CHLSN: variants seen among roughly 807,000 people sequenced by gnomAD.
CHLSN encodes protein cholesin.
the CHLSN span, among the ~76,000 whole-genome samples, chr7:1,065,462 G>A: frequency 2.6e-5 from 4 of 152,378 alleles, no homozygotes; most frequent in African/African-American, 4.8e-5. Flanking sequence ...CCTGCGCATC[G>A]AAGGAATGCT....
At chr7:1,045,278 ATC>A in the CHLSN span, 1 of 152,264 alleles carries the variant, frequency 6.6e-6, no homozygotes, top group Non-Finnish European at 1.5e-5. Context: ...ACAGTGGCTT[ATC>A]TCTGCATGCA....
the CHLSN span, chr7:984,615 G>A: frequency 2.0e-6 from 3 of 1,535,862 alleles, no homozygotes; most frequent in South Asian, 1.2e-5. Flanking sequence ...CTGGGTGTGG[G>A]GGCACCTGGA....
chr7:1,022,254 G>A, the CHLSN span, among the ~76,000 whole-genome samples: 1 of 152,126 alleles, frequency 6.6e-6, no homozygotes, highest in African/African-American at 2.4e-5. Flanking sequence ...CCCACCCACG[G>A]GCGCCTCCTG....
At chr7:1,050,956 A>G in the CHLSN span, among the ~76,000 whole-genome samples, 2 of 152,206 alleles carry the variant, frequency 1.3e-5, no homozygotes, top group Non-Finnish European at 2.9e-5. Context: ...GATGGCGGCC[A>G]TGCCGTCAGA....
chr7:1,039,659 C>T, the CHLSN span, among the ~76,000 whole-genome samples: 4 of 66,748 alleles, frequency 6.0e-5, no homozygotes, highest in South Asian at 3.9e-4. Flanking sequence ...GCCACTACCC[C>T]GTCTGGGAGG....
the CHLSN span, among the ~76,000 whole-genome samples, chr7:1,016,842 CCAGCACACAGCAGCACACAGCACACAG>C: frequency 1.8e-5 from 2 of 112,854 alleles, no homozygotes; most frequent in African/African-American, 4.0e-5. Flanking sequence ...GCAGCGCACG[CCAGCACACAGCAGCACACAGCACACAG>C]CAGCGCACAG....
the CHLSN span, among the ~76,000 whole-genome samples, chr7:1,012,820 G>A: frequency 1.1e-4 from 17 of 152,174 alleles, no homozygotes; most frequent in African/African-American, 3.6e-4. Flanking sequence ...CCGTGCTCGC[G>A]CTCGCTGCCT....
chr7:1,003,345 G>GA, the CHLSN span, among the ~76,000 whole-genome samples: 1 of 71,998 alleles, frequency 1.4e-5, no homozygotes, highest in Non-Finnish European at 2.7e-5. Context: ...TCCTGTGGGT[G>GA]GGGAGTCCTG....
At chr7:978,584 G>C in the CHLSN span, among the ~76,000 whole-genome samples, 1 of 152,244 alleles carries the variant, frequency 6.6e-6, no homozygotes, top group African/African-American at 2.4e-5. Context: ...TCAAGGTATT[G>C]CAGGTATTTC....
chr7:1,099,965 C>G, the CHLSN span, among the ~76,000 whole-genome samples: 1 of 152,170 alleles, frequency 6.6e-6, no homozygotes, highest in African/African-American at 2.4e-5. Context: ...GTTCGGAGTT[C>G]CAATCTGAGC....
At chr7:1,064,416 G>A in the CHLSN span, among the ~76,000 whole-genome samples, 1 of 152,136 alleles carries the variant, frequency 6.6e-6, no homozygotes, top group East Asian at 1.9e-4. Context: ...CAGGGAGGCT[G>A]CCCCCAGCAG....
chr7:1,044,572 C>T, the CHLSN span: 3 of 150,656 alleles, frequency 2.0e-5, no homozygotes, highest in Non-Finnish European at 4.4e-5. Flanking sequence ...AGGGCCCGGG[C>T]GGCGTGCGCG....
chr7:1,093,933 A>C, the CHLSN span: 4 of 306,534 alleles, frequency 1.3e-5, no homozygotes, highest in East Asian at 8.5e-5. Flanking sequence ...CACCCTGAAA[A>C]CTCTCACAAG....
the CHLSN span, among the ~76,000 whole-genome samples, chr7:1,020,353 C>G: frequency 6.6e-6 from 1 of 152,160 alleles, no homozygotes; most frequent in African/African-American, 2.4e-5. Flanking sequence ...AGGGGAGGCC[C>G]GCTCTCCTGT....
chr7:1,028,596 C>A, the CHLSN span: 136,375 of 984,264 alleles, frequency 0.14, 9,966 homozygotes, highest in Middle Eastern at 0.19. Flanking sequence ...GGGGAGGGCG[C>A]ACCCCCGCCC....
the CHLSN span, among the ~76,000 whole-genome samples, chr7:1,035,518 A>G: frequency 6.6e-6 from 1 of 152,258 alleles, no homozygotes; most frequent in African/African-American, 2.4e-5. Flanking sequence ...AGATTTACAG[A>G]TGGCAAATAA....
At chr7:1,096,576 C>T in the CHLSN span, among the ~76,000 whole-genome samples, 4 of 152,196 alleles carry the variant, frequency 2.6e-5, no homozygotes, top group African/African-American at 7.2e-5. This position sits in a 1 kb window ranked among gnomAD's most constrained non-coding sequence, Gnocchi z 4.6. Flanking sequence ...GGCAGGCCCA[C>T]GGTGAGATAA....
the CHLSN span, among the ~76,000 whole-genome samples, chr7:1,039,011 G>T: frequency 1.3e-5 from 1 of 78,184 alleles, no homozygotes; most frequent in Non-Finnish European, 2.7e-5. Context: ...AGGGAGGTGG[G>T]GGTGTCGGCC....
At chr7:1,036,671 G>T in the CHLSN span, among the ~76,000 whole-genome samples, 4 of 152,158 alleles carry the variant, frequency 2.6e-5, 1 homozygote, top group Non-Finnish European at 5.9e-5. Context: ...TTAAAAAAAA[G>T]TCTATTAAAA....
Sources: allele counts gnomAD v4.1 joint callset (sites outside exome capture counted in the v4.1 genomes callset), GRCh38; gene constraint gnomAD v4.1.1; non-coding constraint Gnocchi (gnomAD v3.1); transcripts MANE v1.5; gene names NCBI Gene and HGNC (gene_info 2026-07-23, HGNC 2026-07-21).